Variants in RFX3 observed in about 807,000 individuals in gnomAD.
RFX3 encodes regulatory factor X3.
A neutral mutation model predicts 98.6 loss-of-function variants in RFX3; 14 were observed. The observed-to-expected ratio is 0.14, with a 90% CI of 0.09 to 0.22. The LOEUF is 0.22. Among genes scored for constraint, RFX3 ranks in the 10% least tolerant of loss-of-function variants. The pLI is 1.00. For missense variants in RFX3, 639 were observed against 926.9 expected (o/e 0.69, Z 4.03); for synonymous variants, 383 against 328.4 (o/e 1.17, Z -1.80).
At chr9:3,408,331 T>A (rs1006416232) in intron 1 of RFX3, among the ~76,000 whole-genome samples, 3 of 152,180 alleles carry the variant, frequency 2.0e-5, no homozygotes, top group Admixed American at 2.0e-4. Flanking sequence ...ATCCCATAGG[T>A]AACCCTGCAG....
chr9:3,395,669 T>A, intron 1 of RFX3, 73 bp from the exon 2 acceptor site: 1 of 1,508,140 alleles, frequency 6.6e-7, no homozygotes. Context: ...CAATTGTTCT[T>A]AAAATCCTAT....
chr9:3,482,591 A>T (rs1849871209), intron 1 of RFX3, among the ~76,000 whole-genome samples: 1 of 152,226 alleles, frequency 6.6e-6, no homozygotes, highest in African/African-American at 2.4e-5. Flanking sequence ...CGTTTAATAT[A>T]AAATATTGCC....
intron 1 of RFX3, among the ~76,000 whole-genome samples, chr9:3,436,803 T>C (rs1845165863): frequency 6.6e-6 from 1 of 152,028 alleles, no homozygotes; most frequent in Non-Finnish European, 1.5e-5. Flanking sequence ...CCAACTGGAA[T>C]TCTATTACTC....
intron 3 of RFX3, among the ~76,000 whole-genome samples, chr9:3,338,986 G>A (rs1833538773): frequency 6.6e-6 from 1 of 152,084 alleles, no homozygotes; most frequent in Non-Finnish European, 1.5e-5. Flanking sequence ...CTACTCAGGA[G>A]GCTGAGGCAG....
chr9:3,396,355 AC>A (rs1389375111), intron 1 of RFX3, among the ~76,000 whole-genome samples: 1 of 152,180 alleles, frequency 6.6e-6, no homozygotes, highest in Admixed American at 6.5e-5. Context: ...CCGTGTCCCT[AC>A]AAAGGACATT....
At chr9:3,477,985 G>GT (rs1425871086) in intron 1 of RFX3, among the ~76,000 whole-genome samples, 1 of 151,962 alleles carries the variant, frequency 6.6e-6, no homozygotes, top group Non-Finnish European at 1.5e-5. Flanking sequence ...GAACTTCCTT[G>GT]TTTTTTAATA....
At chr9:3,414,997 T>C (rs961771246) in intron 1 of RFX3, among the ~76,000 whole-genome samples, 5 of 135,334 alleles carry the variant, frequency 3.7e-5, no homozygotes, top group East Asian at 2.1e-4. Context: ...CTCATATATA[T>C]ACTTATATAT....
At chr9:3,242,062 G>T (rs1354919051) in intron 15 of RFX3, among the ~76,000 whole-genome samples, 1 of 152,164 alleles carries the variant, frequency 6.6e-6, no homozygotes, top group African/African-American at 2.4e-5. Flanking sequence ...TTTATATGGT[G>T]AAAAACTGAA....
At chr9:3,285,523 G>A (rs1826477446) in intron 7 of RFX3, among the ~76,000 whole-genome samples, 1 of 151,542 alleles carries the variant, frequency 6.6e-6, no homozygotes. Context: ...TTTCAGTTAA[G>A]GCTTATCAAT....
intron 2 of RFX3, among the ~76,000 whole-genome samples, chr9:3,392,517 C>T (rs1350754920): frequency 1.3e-5 from 2 of 149,310 alleles, no homozygotes; most frequent in Non-Finnish European, 3.0e-5. Flanking sequence ...AAAAAAAGTC[C>T]GGAAAGTGAA....
chr9:3,260,571 C>T (rs1018719936), intron 13 of RFX3, among the ~76,000 whole-genome samples: 2 of 151,630 alleles, frequency 1.3e-5, no homozygotes, highest in Non-Finnish European at 2.9e-5. Flanking sequence ...CTTTCTGAAA[C>T]TAGAAGCTGC....
chr9:3,335,629 G>C (rs1003603634), intron 3 of RFX3, among the ~76,000 whole-genome samples: 1 of 152,220 alleles, frequency 6.6e-6, no homozygotes, highest in South Asian at 2.1e-4. Flanking sequence ...TGTTTGTTCT[G>C]TATTGATTAC....
intron 4 of RFX3, among the ~76,000 whole-genome samples, chr9:3,315,541 G>A (rs934373229): frequency 1.3e-5 from 2 of 149,580 alleles, no homozygotes; most frequent in Non-Finnish European, 3.0e-5. Flanking sequence ...AACTGAAGGA[G>A]ATAGACACAC....
At chr9:3,385,955 G>T (rs563112750) in intron 2 of RFX3, among the ~76,000 whole-genome samples, 1 of 152,182 alleles carries the variant, frequency 6.6e-6, no homozygotes, top group East Asian at 1.9e-4. Context: ...TCTTTATTGA[G>T]AAATTGTCTG....
intron 15 of RFX3, among the ~76,000 whole-genome samples, chr9:3,232,487 C>G (rs1034328652): frequency 6.6e-6 from 1 of 152,164 alleles, no homozygotes. Flanking sequence ...GTCTTCCCAA[C>G]CAAAATGTTA....
intron 1 of RFX3, among the ~76,000 whole-genome samples, chr9:3,402,852 A>G (rs982377154): frequency 1.3e-5 from 2 of 151,950 alleles, no homozygotes; most frequent in Admixed American, 1.3e-4. Flanking sequence ...AATTTAGTAC[A>G]AAATGTACAC....
At chr9:3,387,075 C>G (rs1304506748) in intron 2 of RFX3, among the ~76,000 whole-genome samples, 3 of 152,108 alleles carry the variant, frequency 2.0e-5, no homozygotes, top group Non-Finnish European at 4.4e-5. Flanking sequence ...CAGAGATACC[C>G]TCTTCCAGTT....
intron 13 of RFX3, among the ~76,000 whole-genome samples, chr9:3,259,990 A>G (rs1258188376): frequency 1.3e-5 from 2 of 151,938 alleles, no homozygotes; most frequent in Non-Finnish European, 2.9e-5. Context: ...TGAACTGGAG[A>G]TGGGGATAAA....
At chr9:3,225,719 C>A (rs575443009) in intron 16 of RFX3, among the ~76,000 whole-genome samples, 65 of 152,246 alleles carry the variant, frequency 4.3e-4, no homozygotes, top group African/African-American at 1.4e-3. Context: ...TAAATTTTAT[C>A]TATGCTAGCG....
Sources: allele counts gnomAD v4.1 joint callset (sites outside exome capture counted in the v4.1 genomes callset), GRCh38; gene constraint gnomAD v4.1.1; transcripts MANE v1.5; gene names NCBI Gene and HGNC (gene_info 2026-07-23, HGNC 2026-07-21).